The following USP31 variants were observed in gnomAD, a reference collection of about 807,000 sequenced individuals.
USP31 encodes ubiquitin carboxyl-terminal hydrolase 31.
In USP31, 44 loss-of-function variants were observed where a neutral mutation model predicts 119.4. That is an observed-to-expected ratio of 0.37 (90% confidence interval 0.29 to 0.47). The LOEUF (loss-of-function observed/expected upper bound fraction) is 0.47. Among genes scored for constraint, USP31 ranks in the 20% least tolerant of loss-of-function variants. USP31 has a pLI of 0.99. For synonymous variants in USP31, 749 were observed against 705.6 expected (o/e 1.06, Z -0.97); for missense variants, 1,643 against 1,730.2 (o/e 0.95, Z 0.89).
intron 15 of USP31, among the ~76,000 whole-genome samples, chr16:23,071,655 C>CTT (rs1421331763): frequency 1.3e-5 from 2 of 151,660 alleles, no homozygotes; most frequent in African/African-American, 4.8e-5. Flanking sequence ...GCCTCCATGC[C>CTT]AAGCCTGGAG....
In USP31 at chr16:23,068,516, G is replaced by A. The variant is rs764546215; in HGVS notation, c.3589C>T (p.Arg1197Trp). Residue 1197 changes from arginine (R) to tryptophan (W), a missense_variant, in exon 16 of 16, where the codon CGG becomes TGG. Physicochemically the swap from Arg to Trp is moderately radical, Grantham distance 101. Coordinates refer to ENST00000219689, the MANE Select transcript of USP31 (RefSeq NM_020718.4). ...GEGRGAGKHV[R>W]SSSMASLRSP... The stretch of plus-strand genomic sequence containing the variant: ...CGCAGGCTGGCCATGGAGGAGCTCC[G>A]CACGTGCTTCCCGGCCCCCCTGCCC... 15 of 1,613,804 alleles carry A rather than the reference G, an allele frequency of 9.3e-6. No homozygotes were observed. In the African/African-American group the frequency reaches 9.3e-5, roughly 10 times the overall value.
rs1363669010 is a variant in USP31, at chr16:23,061,858, G to A, written c.*6188C>T. 6.5e-6 allele frequency: 1 copy of A among 152,674 alleles called. No individual in the cohort carries two copies. The highest frequency in any genetic ancestry group is 1.5e-5 in the Non-Finnish European group (1 of 68,058). The allele number at this position is 152,674 out of a possible 1,614,324, so 9.5% of individuals were successfully genotyped here. On this transcript the variant is annotated 3_prime_UTR_variant, in exon 16 of 16. Transcript: ENST00000219689. ...ATCAAGAAACGACTTATGTCAATGA[G>A]GCTTAAATTCAATTTTAACCAGTGG...
At chr16:23,113,904 A>G (rs938642879) in intron 1 of USP31, among the ~76,000 whole-genome samples, 8 of 152,306 alleles carry the variant, frequency 5.3e-5, no homozygotes, top group Middle Eastern at 3.4e-3. Context: ...CAGGAGTTCA[A>G]TATCAGCCTG....
At chr16:23,103,750 A>G (rs1374409416) in intron 5 of USP31, among the ~76,000 whole-genome samples, 2 of 152,186 alleles carry the variant, frequency 1.3e-5, no homozygotes, top group African/African-American at 4.8e-5. Context: ...CCTCGTCTCT[A>G]CGAAAAATAC....
At chr16:23,087,231 G>C in intron 8 of USP31, 45 bp from the exon 9 acceptor site, 2 of 1,572,904 alleles carry the variant, frequency 1.3e-6, no homozygotes, top group Non-Finnish European at 1.7e-6. Context: ...TTTTCTTCAA[G>C]GGCATCTGTT....
At chr16:23,087,612 A>G in intron 8 of USP31, 112 bp downstream of exon 8, 1 of 973,792 alleles carries the variant, frequency 1.0e-6, no homozygotes, top group South Asian at 1.7e-5. Flanking sequence ...AATGAGGGAT[A>G]AATTCTCAGT....
Position 23,072,034 on chromosome 16 carries a change from C to T in USP31, c.2488+11G>A. On this transcript the variant is annotated intron_variant, in intron 15 of 15. Coordinates refer to ENST00000219689, the MANE Select transcript of USP31 (RefSeq NM_020718.4). ...CCATTCTGGAAATTTGTCACCAAAA[C>T]CCACACCCACCATCATCTTCACTCC... is the stretch of plus-strand genomic sequence containing the variant. The T allele has an allele frequency of 3.1e-6, 5 of 1,605,236 alleles. No homozygotes were observed. Among genetic ancestry groups the T allele is most frequent in the Non-Finnish European group, 4.3e-6 (5 of 1,174,396 alleles).
intron 5 of USP31, among the ~76,000 whole-genome samples, chr16:23,103,843 AGGTTGAGGT>A (rs1901983476): frequency 6.6e-6 from 1 of 152,188 alleles, no homozygotes; most frequent in African/African-American, 2.4e-5. Flanking sequence ...TGAGCCCACA[AGGTTGAGGT>A]TGCAGTGAGC....
At chr16:23,143,592 G>T (rs1008113999) in intron 1 of USP31, among the ~76,000 whole-genome samples, 1 of 150,778 alleles carries the variant, frequency 6.6e-6, no homozygotes, top group Non-Finnish European at 1.5e-5. Context: ...GGTTGGGGGG[G>T]GGGAGAGAGA....
intron 6 of USP31, among the ~76,000 whole-genome samples, chr16:23,093,998 A>G (rs1193271486): frequency 6.6e-6 from 1 of 152,156 alleles, no homozygotes; most frequent in Non-Finnish European, 1.5e-5. Flanking sequence ...GGACGGTTGG[A>G]CAGTGGGTAC....
At chr16:23,117,737 A>G (rs897386639) in intron 1 of USP31, among the ~76,000 whole-genome samples, 1 of 145,928 alleles carries the variant, frequency 6.9e-6, no homozygotes, top group Non-Finnish European at 1.5e-5. Flanking sequence ...ACTACGTTTG[A>G]TTTTTTTCCT....
At position 23,073,868 on chromosome 16, in the gene USP31, T is replaced by C; in HGVS notation, c.2189A>G (p.Asn730Ser). 1 of 1,613,892 alleles carries C rather than the reference T, an allele frequency of 6.2e-7. No homozygotes were observed. The highest frequency in any genetic ancestry group is 8.5e-7 in the Non-Finnish European group (1 of 1,179,994). ...GCAGTACCAGAGGCCGTCCACAGAG[T>C]TCTTACAGTACGCTGCCAAAGAGAG... ...QGGHYTAYCK[N>S]SVDGLWYCFD... The change falls in exon 14 of 16, where the codon AAC (asparagine) becomes AGC (serine). Residue 730 changes from asparagine (N) to serine (S), a missense_variant. By Grantham distance (46) the Asn-to-Ser change is conservative (BLOSUM62 1). This residue lies in a region of USP31 where 279 missense variants were observed against 372.2 expected (regional missense o/e 0.75). Coordinates refer to ENST00000219689, the MANE Select transcript of USP31 (RefSeq NM_020718.4).
intron 1 of USP31, among the ~76,000 whole-genome samples, chr16:23,112,575 CAATAAA>C (rs1389796892): frequency 1.3e-5 from 2 of 151,232 alleles, no homozygotes; most frequent in African/African-American, 4.9e-5. Context: ...AACTCCATCT[CAATAAA>C]AGGAATAATA....
intron 1 of USP31, among the ~76,000 whole-genome samples, chr16:23,141,732 T>C (rs1475836856): frequency 6.6e-6 from 1 of 152,220 alleles, no homozygotes; most frequent in African/African-American, 2.4e-5. Flanking sequence ...ATCTGCCTCC[T>C]CTGTGGCAAT....
Position 23,149,422 on chromosome 16 carries a change from G to A in USP31, c.-152C>T, listed in dbSNP as rs1481937414. On this transcript the variant is annotated 5_prime_UTR_variant, in exon 1 of 16. Transcript: ENST00000219689. Reference sequence around the variant, plus strand: ...AGCGCAGCCGAGCCAGCGAGCGAGCGGCGGCCGGCGGGGCCAGCGGGCGCG... The same window carrying A: ...AGCGCAGCCGAGCCAGCGAGCGAGCAGCGGCCGGCGGGGCCAGCGGGCGCG... 9.7e-6 allele frequency: 9 copies of A among 928,616 alleles called. No individual in the cohort carries two copies. Among genetic ancestry groups the A allele is most frequent in the Non-Finnish European group, 1.0e-5 (8 of 779,850 alleles). The allele number at this position is 928,616 out of a possible 1,614,324, so 57.5% of individuals were successfully genotyped here.
intron 1 of USP31, among the ~76,000 whole-genome samples, chr16:23,126,311 C>G (rs1486222414): frequency 1.4e-5 from 2 of 143,110 alleles, no homozygotes; most frequent in African/African-American, 5.2e-5. Flanking sequence ...CAGAGCGACC[C>G]TGTCTCTTTA....
intron 6 of USP31, 102 bp downstream of exon 6, chr16:23,102,217 T>G: frequency 1.6e-6 from 2 of 1,265,554 alleles, no homozygotes; most frequent in Non-Finnish European, 2.1e-6. Context: ...TTACCACAAT[T>G]TAAAAAAAAA....
At position 23,108,155 on chromosome 16, in the gene USP31, T is replaced by A. The variant is rs1313338694; in HGVS notation, c.662A>T (p.Tyr221Phe). The change falls in exon 2 of 16, where the codon TAC (tyrosine) becomes TTC (phenylalanine). Residue 221 changes from tyrosine (Y) to phenylalanine (F), a missense_variant. Coordinates refer to ENST00000219689, the MANE Select transcript of USP31 (RefSeq NM_020718.4). ...KTIVSKNALQ[Y>F]RGNSQHDAQE... ...GGCATCATGTTGGGAATTTCCCCGG[T>A]ACTGCAGTGCATTCTTTGACACAAT... 6.2e-7 allele frequency: 1 copy of A among 1,613,732 alleles called. No homozygotes were observed. The highest frequency in any genetic ancestry group is 1.3e-5 in the African/African-American group (1 of 74,920).
rs1391119049 is a variant in USP31, at chr16:23,144,842, C to CT, written c.633+3795dup. On this transcript the variant is annotated intron_variant, in intron 1 of 15. Coordinates refer to ENST00000219689, the MANE Select transcript of USP31 (RefSeq NM_020718.4). ...CCATCAAATTTAGCTAAAATAAAAC[C>CT]TTTTTTTAAAAAGTAATCAATTTGC... Among the ~76,000 whole-genome samples, 5 of 152,144 alleles carry CT rather than the reference C, an allele frequency of 3.3e-5. No homozygotes were observed. In the East Asian group the frequency reaches 9.6e-4, roughly 29 times the overall value.
Sources: allele counts gnomAD v4.1 joint callset (sites outside exome capture counted in the v4.1 genomes callset), GRCh38; gene constraint gnomAD v4.1.1; regional missense constraint gnomAD v4.1.1; transcripts MANE v1.5; gene names NCBI Gene and HGNC (gene_info 2026-07-23, HGNC 2026-07-21).